Variants in SDHC observed in about 807,000 individuals in gnomAD.
The protein encoded by SDHC is succinate dehydrogenase cytochrome b560 subunit, mitochondrial.
Under a neutral mutation model 22.6 loss-of-function variants are expected in SDHC, and 11 were observed. The observed-to-expected ratio is 0.49, with a 90% CI of 0.31 to 0.81. SDHC has a LOEUF of 0.81. SDHC is among the 30% of genes least tolerant of loss of function. The pLI is 0.05. For missense variants in SDHC, 160 were observed against 212.0 expected (o/e 0.75, Z 1.52); for synonymous variants, 80 against 77.8 (o/e 1.03, Z -0.15).
chr1:161,360,025 T>G (rs969647865), intron 5 of SDHC, among the ~76,000 whole-genome samples: 9 of 128,524 alleles, frequency 7.0e-5, no homozygotes, highest in Admixed American at 4.3e-4. Flanking sequence ...TCTTCTCATC[T>G]TGATTTTTTT....
chr1:161,349,997 A>G lies in SDHC; in HGVS notation c.242-6680A>G, dbSNP rs183797968. On this transcript the variant is annotated intron_variant, in intron 4 of 5. Transcript: ENST00000367975. ...ATAATCTCGGCTCACTGCAACCTCC[A>G]CCTCCTGGGTTCAAGTGATTCTCCT... is the stretch of plus-strand genomic sequence containing the variant. 1.4e-3 allele frequency among the ~76,000 whole-genome samples: 205 copies of G among 151,798 alleles called. 4 individuals carry two copies. The East Asian group carries it at 0.034, about 25-fold the overall frequency.
intron 1 of SDHC, among the ~76,000 whole-genome samples, chr1:161,319,739 G>A (rs1470305768): frequency 2.0e-5 from 3 of 152,110 alleles, no homozygotes; most frequent in East Asian, 1.9e-4. Flanking sequence ...GAGCTACCAC[G>A]CCGGCCCTTA....
At chr1:161,335,055 C>T (rs1008907440) in intron 3 of SDHC, among the ~76,000 whole-genome samples, 2 of 152,118 alleles carry the variant, frequency 1.3e-5, no homozygotes, top group Non-Finnish European at 2.9e-5. Flanking sequence ...TCTCTTTTTC[C>T]TGCAGTATGG....
intron 1 of SDHC, among the ~76,000 whole-genome samples, chr1:161,322,003 A>G (rs924652152): frequency 9.2e-5 from 14 of 152,210 alleles, no homozygotes; most frequent in South Asian, 6.2e-4. Context: ...TGTGTTTTTC[A>G]TAGTACACAA....
At chr1:161,323,914 T>A (rs1253494357) in intron 2 of SDHC, among the ~76,000 whole-genome samples, 2 of 152,214 alleles carry the variant, frequency 1.3e-5, no homozygotes, top group Non-Finnish European at 2.9e-5. Flanking sequence ...GCCAGGACGG[T>A]CTCGATCTCC....
chr1:161,348,196 G>T (rs991903920), intron 4 of SDHC, among the ~76,000 whole-genome samples: 1 of 151,520 alleles, frequency 6.6e-6, no homozygotes, highest in African/African-American at 2.4e-5. Flanking sequence ...TTGCCCTGTC[G>T]CCCAGGCTGG....
chr1:161,359,173 T>G (rs557191705), intron 5 of SDHC, among the ~76,000 whole-genome samples: 1 of 152,286 alleles, frequency 6.6e-6, no homozygotes, highest in East Asian at 1.9e-4. Context: ...TAAAATTCAG[T>G]TCTTTCTGTA....
At chr1:161,344,981 C>T (rs1671843721) in intron 4 of SDHC, among the ~76,000 whole-genome samples, 1 of 152,218 alleles carries the variant, frequency 6.6e-6, no homozygotes, top group South Asian at 2.1e-4. Flanking sequence ...TTTCACACAA[C>T]AGCAAGAAAA....
chr1:161,339,318 G>T (rs1222316446), intron 3 of SDHC, among the ~76,000 whole-genome samples: 1 of 151,106 alleles, frequency 6.6e-6, no homozygotes, highest in African/African-American at 2.4e-5. Context: ...AAGTAGCTGG[G>T]ACCACAGGCC....
intron 1 of SDHC, among the ~76,000 whole-genome samples, chr1:161,320,028 C>T (rs1670785151): frequency 6.6e-6 from 1 of 152,060 alleles, no homozygotes; most frequent in African/African-American, 2.4e-5. Flanking sequence ...ATGATGAAAC[C>T]ATGTTATTTT....
Position 161,332,523 on chromosome 1 carries a change from T to C in SDHC, c.179+4026T>C, listed in dbSNP as rs143292997. Among the ~76,000 whole-genome samples, 17 of 152,306 alleles carry C rather than the reference T, an allele frequency of 1.1e-4. No individual in the cohort carries two copies. In the East Asian group the frequency reaches 3.3e-3, roughly 29 times the overall value. ...AACATTCATATTTTCCTTTTTGAAA[T>C]ACAATTTGTATACCATACGGTTCAC... On this transcript the variant is annotated intron_variant, in intron 3 of 5. Transcript: ENST00000367975.
chr1:161,354,293 C>G (rs751944842), intron 4 of SDHC, among the ~76,000 whole-genome samples: 11 of 152,162 alleles, frequency 7.2e-5, no homozygotes, highest in Non-Finnish European at 1.5e-4. Context: ...TGCTGAAAAC[C>G]CAGCTTTGCA....
intron 1 of SDHC, among the ~76,000 whole-genome samples, chr1:161,323,224 T>TAA (rs1670904732): frequency 6.6e-6 from 1 of 151,958 alleles, no homozygotes; most frequent in Non-Finnish European, 1.5e-5. Flanking sequence ...GGTCTCGATC[T>TAA]CCTGACCTTG....
chr1:161,324,299 G>A (rs1371798658), intron 2 of SDHC, among the ~76,000 whole-genome samples: 1 of 152,100 alleles, frequency 6.6e-6, no homozygotes, highest in Non-Finnish European at 1.5e-5. Context: ...TTGTAGAGAC[G>A]AGGTTTCACC....
chr1:161,314,759 GC>G (rs1670544390), intron 1 of SDHC: 1 of 386,428 alleles, frequency 2.6e-6, no homozygotes, highest in Non-Finnish European at 4.7e-6. Flanking sequence ...TTCAAGGTCA[GC>G]CACCCATGGG....
chr1:161,322,780 A>C (rs55981028), intron 1 of SDHC, among the ~76,000 whole-genome samples: 4 of 151,956 alleles, frequency 2.6e-5, no homozygotes, highest in African/African-American at 9.7e-5. Context: ...TTGTCCAGGC[A>C]GTATTGAACA....
intron 1 of SDHC, among the ~76,000 whole-genome samples, chr1:161,321,367 G>A (rs1324649287): frequency 2.6e-5 from 4 of 152,138 alleles, no homozygotes; most frequent in Non-Finnish European, 5.9e-5. Flanking sequence ...TAAGGTTATG[G>A]CATTTGTGCA....
chr1:161,318,988 G>A (rs752603512), intron 1 of SDHC, among the ~76,000 whole-genome samples: 8 of 152,228 alleles, frequency 5.3e-5, no homozygotes, highest in Non-Finnish European at 1.2e-4. Flanking sequence ...AGGTTGCAGT[G>A]AGCCAAGATT....
intron 3 of SDHC, among the ~76,000 whole-genome samples, chr1:161,336,103 G>T (rs984366697): frequency 6.6e-6 from 1 of 152,130 alleles, no homozygotes; most frequent in Non-Finnish European, 1.5e-5. Flanking sequence ...AAAACAGAAG[G>T]AGGCTAATAA....
Sources: allele counts gnomAD v4.1 joint callset (sites outside exome capture counted in the v4.1 genomes callset), GRCh38; gene constraint gnomAD v4.1.1; transcripts MANE v1.5; gene names NCBI Gene and HGNC (gene_info 2026-07-23, HGNC 2026-07-21).